The following FBXW11 variants were observed in gnomAD, a reference collection of about 807,000 sequenced individuals.
The protein encoded by FBXW11 is F-box/WD repeat-containing protein 11.
In FBXW11, 19 loss-of-function variants were observed where a neutral mutation model predicts 77.6. The observed-to-expected ratio is 0.24, with a 90% confidence interval of 0.17 to 0.36. FBXW11 has a LOEUF of 0.36. FBXW11 is among the 10% of genes least tolerant of loss of function. The probability of loss-of-function intolerance (pLI) is 1.00; values close to 1 mark genes in which losing one functional copy is unlikely to be tolerated. For missense variants in FBXW11, 334 were observed against 704.2 expected, an observed-to-expected ratio of 0.47 and a Z score of 5.95; for synonymous variants, 235 against 249.4, an observed-to-expected ratio of 0.94 and a Z score of 0.54.
At chr5:171,943,028 T>C (rs1275613456) in intron 2 of FBXW11, among the ~76,000 whole-genome samples, 1 of 152,150 alleles carries the variant, frequency 6.6e-6, no homozygotes, top group Admixed American at 6.5e-5. Context: ...TCATTTCTTA[T>C]TGTCTTAAAG....
At chr5:171,950,332 TTAAGA>T (rs1763238745) in intron 2 of FBXW11, among the ~76,000 whole-genome samples, 1 of 152,138 alleles carries the variant, frequency 6.6e-6, no homozygotes, top group South Asian at 2.1e-4. Flanking sequence ...ACTGTTCACT[TTAAGA>T]TAAATCACTG....
intron 1 of FBXW11, among the ~76,000 whole-genome samples, chr5:171,991,318 A>T (rs1020674808): frequency 6.6e-6 from 1 of 152,222 alleles, no homozygotes; most frequent in Non-Finnish European, 1.5e-5. Context: ...ATAGCATACG[A>T]CAAAAATATG....
At chr5:171,978,329 T>C (rs1053415471) in intron 1 of FBXW11, among the ~76,000 whole-genome samples, 9 of 152,142 alleles carry the variant, frequency 5.9e-5, no homozygotes, top group Non-Finnish European at 1.0e-4. Context: ...ACAAACTACA[T>C]TGGCACTTGA....
intron 1 of FBXW11, among the ~76,000 whole-genome samples, chr5:171,982,239 A>T (rs1765185723): frequency 6.6e-6 from 1 of 152,104 alleles, no homozygotes; most frequent in Non-Finnish European, 1.5e-5. Context: ...TAGAAGGGTT[A>T]AATTTTATTT....
chr5:171,998,679 C>G (rs1766220088), intron 1 of FBXW11, among the ~76,000 whole-genome samples: 1 of 151,412 alleles, frequency 6.6e-6, no homozygotes, highest in African/African-American at 2.4e-5. Context: ...TGCCTACAAT[C>G]CCAGCTACTC....
chr5:171,872,822 C>T, intron 10 of FBXW11, 50 bp downstream of exon 10: 1 of 1,369,546 alleles, frequency 7.3e-7, no homozygotes, highest in Non-Finnish European at 1.0e-6. Flanking sequence ...GATGAGTCAA[C>T]AATGTGGCAA....
chr5:171,908,709 A>C (rs1016711159), intron 4 of FBXW11: 5 of 152,206 alleles, frequency 3.3e-5, no homozygotes, highest in Admixed American at 3.3e-4. Context: ...GTAAACTTAC[A>C]CGTTTTGGAA....
chr5:171,915,400 A>C (rs1284703909), intron 2 of FBXW11, among the ~76,000 whole-genome samples: 1 of 152,234 alleles, frequency 6.6e-6, no homozygotes, highest in Admixed American at 6.5e-5. Context: ...TTTATGTTCT[A>C]CAAGTCCTAA....
At chr5:171,909,209 A>C (rs1007715961) in intron 4 of FBXW11, among the ~76,000 whole-genome samples, 8 of 152,218 alleles carry the variant, frequency 5.3e-5, no homozygotes, top group Non-Finnish European at 7.3e-5. Context: ...GCTACTCAGG[A>C]GGCTGAGGTA....
intron 1 of FBXW11, among the ~76,000 whole-genome samples, chr5:171,982,063 C>T (rs567990625): frequency 1.3e-5 from 2 of 151,942 alleles, no homozygotes; most frequent in South Asian, 2.1e-4. Flanking sequence ...TTTGGGGTGA[C>T]GGAAATGTTC....
intron 9 of FBXW11, among the ~76,000 whole-genome samples, chr5:171,873,216 C>A (rs564416013): frequency 2.6e-5 from 4 of 152,268 alleles, no homozygotes; most frequent in Admixed American, 1.3e-4. Flanking sequence ...GAAGTGAAGT[C>A]TCCAGTCTTT....
intron 2 of FBXW11, among the ~76,000 whole-genome samples, chr5:171,929,439 A>T (rs1296741813): frequency 6.6e-6 from 1 of 152,232 alleles, no homozygotes; most frequent in Non-Finnish European, 1.5e-5. Context: ...ATTGAAAATC[A>T]CAAGTTTCAC....
intron 1 of FBXW11, among the ~76,000 whole-genome samples, chr5:171,999,898 T>C (rs1018367610): frequency 3.9e-5 from 6 of 152,200 alleles, no homozygotes; most frequent in Admixed American, 2.6e-4. Flanking sequence ...AAGCTCTTCA[T>C]TGTTAACTCA....
chr5:171,879,100 A>G (rs1377075398), intron 7 of FBXW11, among the ~76,000 whole-genome samples: 1 of 152,186 alleles, frequency 6.6e-6, no homozygotes, highest in Non-Finnish European at 1.5e-5. Flanking sequence ...AGGAGGTAAA[A>G]TGTTGTGAAC....
chr5:171,936,109 T>TAAAA (rs61349170), intron 2 of FBXW11, among the ~76,000 whole-genome samples: 756 of 59,282 alleles, frequency 0.013, 11 homozygotes, highest in African/African-American at 0.048. Flanking sequence ...AGACTCCATC[T>TAAAA]AAAAAAAAAA....
Position 171,862,242 on chromosome 5 carries a change from T to C in FBXW11, c.*1885A>G, listed in dbSNP as rs1423573606. The C allele has an allele frequency of 6.6e-6, 1 of 152,592 alleles. No individual in the cohort carries two copies. Among genetic ancestry groups the C allele is most frequent in the African/African-American group, 2.4e-5 (1 of 41,428 alleles). The allele number at this position is 152,592 out of a possible 1,614,324, so 9.5% of individuals were successfully genotyped here. On this transcript the variant is annotated 3_prime_UTR_variant, in exon 14 of 14. Coordinates refer to ENST00000517395, the MANE Select transcript of FBXW11 (RefSeq NM_001378974.1). ...CATCAAGCTTACAACATCCACCTTA[T>C]GAATGGAGGTTTATTGTTTACACTT...
intron 1 of FBXW11, among the ~76,000 whole-genome samples, chr5:171,999,703 A>G (rs1364152392): frequency 2.0e-5 from 3 of 152,274 alleles, no homozygotes; most frequent in East Asian, 1.9e-4. Flanking sequence ...CTTTTTCACA[A>G]TAGTAGAACC....
chr5:171,996,690 A>G (rs1179725511), intron 1 of FBXW11, among the ~76,000 whole-genome samples: 1 of 152,212 alleles, frequency 6.6e-6, no homozygotes, highest in East Asian at 1.9e-4. Flanking sequence ...ACAGTAAAAC[A>G]AAGTTTTTAC....
intron 1 of FBXW11, chr5:171,997,002 T>C: frequency 7.8e-7 from 1 of 1,289,824 alleles, no homozygotes. Context: ...TTCTTTCCGT[T>C]TACTGTATCC....
Sources: allele counts gnomAD v4.1 joint callset (sites outside exome capture counted in the v4.1 genomes callset), GRCh38; gene constraint gnomAD v4.1.1; transcripts MANE v1.5; gene names NCBI Gene and HGNC (gene_info 2026-07-23, HGNC 2026-07-21).